The following ZBTB40 variants were observed in gnomAD, a reference collection of about 807,000 sequenced individuals.
ZBTB40 encodes zinc finger and BTB domain-containing protein 40.
In ZBTB40, 60 loss-of-function variants were observed where a neutral mutation model predicts 117.5. The ratio of observed to expected loss-of-function variants is 0.51; its 90% CI spans 0.41 to 0.63. The LOEUF (loss-of-function observed/expected upper bound fraction) is 0.63. Ranked by LOEUF, ZBTB40 falls within the 30% of genes least tolerant of loss-of-function variation. ZBTB40 has a pLI of 0.00. For synonymous variants in ZBTB40, 525 were observed against 577.1 expected (o/e 0.91, Z 1.29); for missense variants, 1,287 against 1,498.5 (o/e 0.86, Z 2.33).
intron 1 of ZBTB40, among the ~76,000 whole-genome samples, chr1:22,474,829 G>A (rs1479978474): frequency 2.6e-5 from 4 of 151,988 alleles, no homozygotes; most frequent in African/African-American, 9.7e-5. Flanking sequence ...TTCGGTGAAA[G>A]CAATGAATAG....
chr1:22,451,769 G>A (rs533110620), upstream of ZBTB40: 582 of 152,480 alleles, frequency 3.8e-3, 2 homozygotes, highest in Middle Eastern at 0.01. Context: ...TAGCATAGGT[G>A]GAGAGCGAGC....
intron 1 of ZBTB40, among the ~76,000 whole-genome samples, chr1:22,442,410 A>T (rs1640743562): frequency 6.6e-6 from 1 of 152,130 alleles, no homozygotes; most frequent in African/African-American, 2.4e-5. Flanking sequence ...ATGGGTTTAT[A>T]TGGGGGAGAG....
At chr1:22,498,178 T>C (rs530388857) in intron 3 of ZBTB40, among the ~76,000 whole-genome samples, 229 of 152,344 alleles carry the variant, frequency 1.5e-3, no homozygotes, top group Non-Finnish European at 2.5e-3. Flanking sequence ...CTTATTAACA[T>C]GAATTTATTG....
intron 1 of ZBTB40, among the ~76,000 whole-genome samples, chr1:22,452,394 A>G (rs1365872781): frequency 6.6e-6 from 1 of 152,168 alleles, no homozygotes; most frequent in Admixed American, 6.5e-5. Context: ...GGCCTAATCC[A>G]TGCCCCCCTT....
intron 1 of ZBTB40, among the ~76,000 whole-genome samples, chr1:22,452,359 C>A (rs186088019): frequency 6.6e-6 from 1 of 152,350 alleles, no homozygotes; most frequent in East Asian, 1.9e-4. Context: ...GTCCCTTCGC[C>A]GGGCGTCAGC....
chr1:22,528,509 C>A lies in ZBTB40; in HGVS notation c.*2113C>A, dbSNP rs1639742276. ...TTTGAATTCCAGTGTCAGATCCTTTCAAGCACTGAGAAATTCTTTCTCAGG... is the reference window on the plus strand; with the variant it reads ...TTTGAATTCCAGTGTCAGATCCTTTAAAGCACTGAGAAATTCTTTCTCAGG... On this transcript the variant is annotated 3_prime_UTR_variant, in exon 18 of 18. Coordinates refer to ENST00000375647, the MANE Select transcript of ZBTB40 (RefSeq NM_014870.4). The A allele has an allele frequency of 6.6e-6, 1 of 152,346 alleles. No homozygotes were observed. The highest frequency in any genetic ancestry group is 1.5e-5 in the Non-Finnish European group (1 of 68,036). The allele number at this position is 152,346 out of a possible 1,614,324, so 9.4% of individuals were successfully genotyped here.
chr1:22,491,505 G>A lies in ZBTB40; in HGVS notation c.803G>A (p.Cys268Tyr). The A allele has an allele frequency of 6.2e-7, 1 of 1,613,942 alleles. No individual in the cohort carries two copies. Residue 268 changes from cysteine to tyrosine, a missense_variant, in exon 3 of 18, where the codon TGT becomes TAT. This residue lies in a region of ZBTB40 where 870 missense variants were observed against 934.4 expected (regional missense o/e 0.93). Transcript: ENST00000375647. ...TQDVLKKLEM[C>Y]SEIKGPQKEM... ...GATGTTTTAAAAAAACTAGAAATGT[G>A]TTCAGAAATTAAAGGTCCACAGAAG...
At chr1:22,512,493 G>A (rs1004220344) in intron 11 of ZBTB40, among the ~76,000 whole-genome samples, 1 of 152,206 alleles carries the variant, frequency 6.6e-6, no homozygotes, top group Non-Finnish European at 1.5e-5. Context: ...CCTGGCTCAT[G>A]TTTCCATGTG....
At chr1:22,448,849 G>A (rs1189689062), upstream of ZBTB40, among the ~76,000 whole-genome samples, 4 of 151,256 alleles carry the variant, frequency 2.6e-5, no homozygotes, top group African/African-American at 7.3e-5. Context: ...GTCTTGCCCC[G>A]TCATCCAGAC....
chr1:22,436,571 T>C (rs1199113274), intron 1 of ZBTB40, among the ~76,000 whole-genome samples: 1 of 152,040 alleles, frequency 6.6e-6, no homozygotes. Flanking sequence ...TCATAATACC[T>C]GAAGCTGGAA....
chr1:22,469,563 GT>G (rs925400956), intron 1 of ZBTB40, among the ~76,000 whole-genome samples: 1 of 150,688 alleles, frequency 6.6e-6, no homozygotes, highest in Non-Finnish European at 1.5e-5. Context: ...TTTGTTTTTT[GT>G]TTTTTTTTAT....
chr1:22,484,317 A>G (rs560646069), intron 1 of ZBTB40, among the ~76,000 whole-genome samples: 45 of 152,300 alleles, frequency 3.0e-4, no homozygotes, highest in African/African-American at 1.1e-3. Context: ...AAGTTCTTTG[A>G]TATCTTTCAT....
intron 5 of ZBTB40, among the ~76,000 whole-genome samples, chr1:22,503,287 T>G (rs1186449246): frequency 2.6e-5 from 4 of 151,098 alleles, no homozygotes; most frequent in African/African-American, 4.9e-5. Flanking sequence ...TTCAGGAAGG[T>G]TGTACCAATT....
chr1:22,467,802 A>G (rs1392662388), intron 1 of ZBTB40, among the ~76,000 whole-genome samples: 18 of 145,936 alleles, frequency 1.2e-4, no homozygotes, highest in Admixed American at 1.1e-3. Context: ...TTTTCCTGAT[A>G]ATAATAGCAG....
At chr1:22,475,453 C>T (rs1017211148) in intron 1 of ZBTB40, among the ~76,000 whole-genome samples, 2 of 152,170 alleles carry the variant, frequency 1.3e-5, no homozygotes, top group Non-Finnish European at 2.9e-5. Context: ...AAGCCAGGTG[C>T]GGTGCCAGTT....
chr1:22,508,381 T>C, intron 7 of ZBTB40, 149 bp from the exon 8 acceptor site: 3 of 1,025,206 alleles, frequency 2.9e-6, no homozygotes. Context: ...TTGTCATGTA[T>C]AAGAAATCTC....
intron 1 of ZBTB40, among the ~76,000 whole-genome samples, chr1:22,486,431 G>A (rs915113043): frequency 2.6e-5 from 4 of 152,174 alleles, no homozygotes; most frequent in Admixed American, 2.0e-4. Flanking sequence ...TTTCTTGAAG[G>A]CAGGCCTTGT....
intron 3 of ZBTB40, among the ~76,000 whole-genome samples, chr1:22,499,781 G>T (rs1638875911): frequency 6.6e-6 from 1 of 152,138 alleles, no homozygotes; most frequent in Admixed American, 6.5e-5. Context: ...GGTCTAACTC[G>T]TTTATAATTT....
intron 1 of ZBTB40, among the ~76,000 whole-genome samples, chr1:22,432,968 G>A (rs1170838659): frequency 6.6e-6 from 1 of 152,150 alleles, no homozygotes; most frequent in African/African-American, 2.4e-5. Context: ...TTGAAAATAT[G>A]TACTATGTAG....
Sources: allele counts gnomAD v4.1 joint callset (sites outside exome capture counted in the v4.1 genomes callset), GRCh38; gene constraint gnomAD v4.1.1; regional missense constraint gnomAD v4.1.1; transcripts MANE v1.5; gene names NCBI Gene and HGNC (gene_info 2026-07-23, HGNC 2026-07-21).